Variants in GRIK1 observed in about 807,000 individuals in gnomAD.
The protein encoded by GRIK1 is glutamate ionotropic receptor kainate type subunit 1, also known as glutamate receptor ionotropic, kainate 1.
GRIK1 carries 69 observed loss-of-function variants against 105.7 expected under a neutral mutation model. The ratio of observed to expected loss-of-function variants is 0.65; its 90% CI spans 0.54 to 0.80. GRIK1 has a LOEUF of 0.80. Ranked by LOEUF, GRIK1 falls within the 30% of genes least tolerant of loss-of-function variation. The pLI is 0.00. For missense variants in GRIK1, 1,109 were observed against 1,167.3 expected, an observed-to-expected ratio of 0.95 and a Z score of 0.73; for synonymous variants, 438 against 431.3, an observed-to-expected ratio of 1.02 and a Z score of -0.19.
chr21:29,890,057 T>C lies in GRIK1; in HGVS notation c.118+49326A>G, dbSNP rs571812406. 1.1e-3 allele frequency among the ~76,000 whole-genome samples: 164 copies of C among 152,270 alleles called. 1 individual carries two copies. The highest frequency in any genetic ancestry group is 1.4e-3 in the Non-Finnish European group (97 of 67,972). On this transcript the variant is annotated intron_variant, in intron 1 of 17. Transcript: ENST00000327783. ...TCAAGATTTATCTGTCATTTGACAA[T>C]AAGTCATGTGATACTGTTTGTCTGA... is the stretch of plus-strand genomic sequence containing the variant.
Position 29,735,076 on chromosome 21 carries a change from T to C in GRIK1, c.119-41013A>G, listed in dbSNP as rs573493942. Among the ~76,000 whole-genome samples, 3 of 152,320 alleles carry C rather than the reference T, an allele frequency of 2.0e-5. No individual in the cohort carries two copies. In the South Asian group the frequency reaches 6.2e-4, roughly 32 times the overall value. On this transcript the variant is annotated intron_variant, in intron 1 of 17. Transcript: ENST00000327783. ...CCCATACTCTACATCTCATTGCTCT[T>C]CATAGCATGGTTCAGAACCTACCAT...
chr21:29,796,214 G>T (rs1208643882), intron 1 of GRIK1, among the ~76,000 whole-genome samples: 1 of 152,166 alleles, frequency 6.6e-6, no homozygotes, highest in African/African-American at 2.4e-5. Flanking sequence ...GCTAAATAAT[G>T]TGGAAGAAAT....
chr21:29,796,588 G>C (rs540647626), intron 1 of GRIK1, among the ~76,000 whole-genome samples: 1 of 152,140 alleles, frequency 6.6e-6, no homozygotes, highest in South Asian at 2.1e-4. Flanking sequence ...GAAGTGCAGC[G>C]TATCTGTTTT....
At chr21:29,936,660 G>A (rs1436099943) in intron 1 of GRIK1, among the ~76,000 whole-genome samples, 1 of 152,186 alleles carries the variant, frequency 6.6e-6, no homozygotes, top group African/African-American at 2.4e-5. Flanking sequence ...CTTAACTGTT[G>A]CATAAGATTA....
chr21:29,916,360 G>A (rs1018368672), intron 1 of GRIK1, among the ~76,000 whole-genome samples: 6 of 151,834 alleles, frequency 4.0e-5, no homozygotes, highest in Admixed American at 6.6e-5. Flanking sequence ...ACAACTCAAA[G>A]TGGGAGCCAG....
At chr21:29,691,529 G>C (rs1266761911) in intron 2 of GRIK1, among the ~76,000 whole-genome samples, 1 of 152,162 alleles carries the variant, frequency 6.6e-6, no homozygotes, top group Non-Finnish European at 1.5e-5. Context: ...TTCCCTTCCG[G>C]AAAGGTTGGG....
At chr21:29,574,685 T>TC (rs758548084) in intron 14 of GRIK1, among the ~76,000 whole-genome samples, 1 of 31,154 alleles carries the variant, frequency 3.2e-5, no homozygotes, top group Non-Finnish European at 1.1e-4. Context: ...ATACACTTCT[T>TC]TTTTTTTTTT....
chr21:29,847,820 T>C (rs560234593), intron 1 of GRIK1, among the ~76,000 whole-genome samples: 1 of 152,196 alleles, frequency 6.6e-6, no homozygotes, highest in African/African-American at 2.4e-5. Context: ...ACACACCTAA[T>C]CATTCTCAAC....
chr21:29,835,648 C>T (rs927087197), intron 1 of GRIK1, among the ~76,000 whole-genome samples: 5 of 152,124 alleles, frequency 3.3e-5, no homozygotes, highest in African/African-American at 9.7e-5. Context: ...TCAAACCTCT[C>T]GGGATCTTTA....
At chr21:29,620,854 T>TA (rs1295798552) in intron 7 of GRIK1, among the ~76,000 whole-genome samples, 3 of 144,842 alleles carry the variant, frequency 2.1e-5, no homozygotes, top group African/African-American at 7.8e-5. Flanking sequence ...ATATATATCA[T>TA]ATGTAGTTAT....
At chr21:29,729,593 C>T (rs2064560104) in intron 1 of GRIK1, among the ~76,000 whole-genome samples, 1 of 152,024 alleles carries the variant, frequency 6.6e-6, no homozygotes, top group African/African-American at 2.4e-5. Flanking sequence ...AATAAATAGG[C>T]AACAGAATAA....
chr21:29,549,558 GA>G (rs1403421592), intron 16 of GRIK1, among the ~76,000 whole-genome samples: 2 of 152,150 alleles, frequency 1.3e-5, no homozygotes, highest in Non-Finnish European at 2.9e-5. Flanking sequence ...TCTTCCTACT[GA>G]GGAGAAAGGT....
chr21:29,576,895 T>C (rs532982688), intron 14 of GRIK1, 69 bp downstream of exon 14: 25 of 848,810 alleles, frequency 2.9e-5, no homozygotes, highest in Middle Eastern at 4.7e-4. Flanking sequence ...CTTTTTTTTT[T>C]CGACAGATTC....
chr21:29,617,502 T>C (rs1452043054), intron 7 of GRIK1, among the ~76,000 whole-genome samples: 1 of 152,184 alleles, frequency 6.6e-6, no homozygotes, highest in Non-Finnish European at 1.5e-5. Context: ...AAGATGCATG[T>C]TATGTGCTGA....
intron 1 of GRIK1, among the ~76,000 whole-genome samples, chr21:29,883,753 T>C (rs1185562207): frequency 1.3e-5 from 2 of 152,010 alleles, no homozygotes; most frequent in Non-Finnish European, 2.9e-5. Context: ...ATGTGTTTTT[T>C]CTCAAAGTCC....
At position 29,779,335 on chromosome 21, in the gene GRIK1, AGTGTGTGTGTGT is replaced by A. The variant is rs3054347; in HGVS notation, c.119-85284_119-85273del. Among the ~76,000 whole-genome samples the A allele has an allele frequency of 4.0e-5, 6 of 149,752 alleles. No individual in the cohort carries two copies. The East Asian group carries it at 9.9e-4, about 25-fold the overall frequency. ...AAAATATTTTGGAGGTCAGTGAGTGAGTGTGTGTGTGTGTGTGTGTGTGTGTGCACGTGTGTG... is the reference window on the plus strand; with the variant it reads ...AAAATATTTTGGAGGTCAGTGAGTGAGTGTGTGTGTGTGTGCACGTGTGTG... On this transcript the variant is annotated intron_variant, in intron 1 of 17. Coordinates refer to ENST00000327783, the MANE Select transcript of GRIK1 (RefSeq NM_001330994.2).
At chr21:29,875,054 T>G (rs1275718400) in intron 1 of GRIK1, among the ~76,000 whole-genome samples, 3 of 152,050 alleles carry the variant, frequency 2.0e-5, no homozygotes, top group Non-Finnish European at 4.4e-5. Context: ...AAACATTATT[T>G]ATTTTGTCAA....
chr21:29,673,310 C>G (rs1402340683), intron 3 of GRIK1, 146 bp from the exon 4 acceptor site: 14 of 538,946 alleles, frequency 2.6e-5, no homozygotes, highest in South Asian at 1.1e-4. Flanking sequence ...CCATTTGTCA[C>G]TCATCTTCCT....
chr21:29,896,920 G>A (rs1341178553), intron 1 of GRIK1, among the ~76,000 whole-genome samples: 1 of 152,136 alleles, frequency 6.6e-6, no homozygotes, highest in African/African-American at 2.4e-5. Context: ...GGAGCTTATT[G>A]TCAAGGGCAC....
Sources: gnomAD v4.1 joint callset for allele counts (sites outside exome capture counted in the v4.1 genomes callset) on GRCh38, gnomAD v4.1.1 for gene constraint, MANE v1.5 for transcripts, NCBI Gene and HGNC (gene_info 2026-07-23, HGNC 2026-07-21) for gene names.